SCOC: variants seen among roughly 807,000 people sequenced by gnomAD.
The protein encoded by SCOC is short coiled-coil protein.
A neutral mutation model predicts 9.9 loss-of-function variants in SCOC; 7 were observed. The ratio of observed to expected loss-of-function variants is 0.71; its 90% CI spans 0.40 to 1.33. SCOC has a LOEUF of 1.33. Among genes scored for constraint, SCOC ranks in the 40% most tolerant of loss-of-function variants. The pLI, the probability that SCOC is intolerant of heterozygous loss-of-function variation, is 0.01. For missense variants in SCOC, 66 were observed against 89.7 expected, an observed-to-expected ratio of 0.74 and a Z score of 1.07; for synonymous variants, 19 against 28.2, an observed-to-expected ratio of 0.67 and a Z score of 1.03.
At chr4:140,312,364 G>A (rs926151088) in intron 1 of SCOC, among the ~76,000 whole-genome samples, 3 of 152,142 alleles carry the variant, frequency 2.0e-5, no homozygotes, top group Admixed American at 2.0e-4. Flanking sequence ...TGAACTGGGG[G>A]CACTGAAAGT....
intron 2 of SCOC, among the ~76,000 whole-genome samples, chr4:140,353,407 CT>C (rs1727063434): frequency 6.6e-6 from 1 of 150,540 alleles, no homozygotes; most frequent in African/African-American, 2.4e-5. Flanking sequence ...TTCTTTTTTT[CT>C]TTTTCTTTTT....
At chr4:140,276,502 C>T (rs1730986941) in intron 1 of SCOC, among the ~76,000 whole-genome samples, 1 of 151,872 alleles carries the variant, frequency 6.6e-6, no homozygotes, top group African/African-American at 2.4e-5. Context: ...CTCACTCTGT[C>T]GCTTAGGCTG....
chr4:140,325,541 T>C (rs1440247129), intron 1 of SCOC, among the ~76,000 whole-genome samples: 1 of 152,146 alleles, frequency 6.6e-6, no homozygotes, highest in East Asian at 1.9e-4. Context: ...TCTGAACAGA[T>C]ATTTCTTTAA....
At chr4:140,264,141 A>G (rs1730687790) in intron 1 of SCOC, among the ~76,000 whole-genome samples, 1 of 152,152 alleles carries the variant, frequency 6.6e-6, no homozygotes, top group African/African-American at 2.4e-5. Flanking sequence ...CTGGGGCTAT[A>G]GGCATGCACC....
intron 1 of SCOC, among the ~76,000 whole-genome samples, chr4:140,328,147 T>C (rs1732704579): frequency 6.6e-6 from 1 of 152,208 alleles, no homozygotes; most frequent in African/African-American, 2.4e-5. Context: ...ACACAGGACA[T>C]GCTCTATCAT....
chr4:140,351,813 A>G (rs1427323291), intron 2 of SCOC, among the ~76,000 whole-genome samples: 1 of 152,054 alleles, frequency 6.6e-6, no homozygotes, highest in Non-Finnish European at 1.5e-5. Context: ...CTCATCCTCC[A>G]TTATAATATG....
chr4:140,338,788 T>G (rs1374104589), upstream of SCOC, among the ~76,000 whole-genome samples: 9 of 151,602 alleles, frequency 5.9e-5, no homozygotes, highest in African/African-American at 1.5e-4. Context: ...CACTGCTCAA[T>G]GAAATAAAAG....
intron 1 of SCOC, among the ~76,000 whole-genome samples, chr4:140,305,437 G>A (rs1731939853): frequency 6.6e-6 from 1 of 152,180 alleles, no homozygotes; most frequent in Non-Finnish European, 1.5e-5. Context: ...AGCAGACATT[G>A]TCTTATATCT....
chr4:140,311,304 G>A (rs907733560), intron 1 of SCOC, among the ~76,000 whole-genome samples: 4 of 152,142 alleles, frequency 2.6e-5, no homozygotes, highest in African/African-American at 9.7e-5. Context: ...AGTAGCACTT[G>A]TGAAACTGTA....
At chr4:140,259,087 T>G (rs538913401) in intron 1 of SCOC, among the ~76,000 whole-genome samples, 2 of 152,378 alleles carry the variant, frequency 1.3e-5, no homozygotes, top group South Asian at 4.1e-4. Flanking sequence ...ACAGGGTTAT[T>G]ACTGAAGCTA....
intron 1 of SCOC, among the ~76,000 whole-genome samples, chr4:140,317,742 C>G (rs1037271091): frequency 1.3e-5 from 2 of 149,312 alleles, no homozygotes; most frequent in African/African-American, 2.5e-5. Context: ...TACATATGCA[C>G]ATTGTGCAGG....
At chr4:140,378,431 G>A (rs1240942407) in intron 1 of SCOC, among the ~76,000 whole-genome samples, 2 of 151,482 alleles carry the variant, frequency 1.3e-5, no homozygotes, top group African/African-American at 2.4e-5. Context: ...ATTTTTTCAT[G>A]TAGTATAGTC....
rs528853812 is a variant in SCOC, at chr4:140,312,941, T to C, written c.-18-30680T>C. ...TAGACCTATCAAGACAGAAATTAATTTGAAGGTCACATCAGCCTTCATATG... is the reference window on the plus strand; with the variant it reads ...TAGACCTATCAAGACAGAAATTAATCTGAAGGTCACATCAGCCTTCATATG... On this transcript the variant is annotated intron_variant, in intron 1 of 4. Coordinates refer to the SCOC transcript ENST00000394205. Among the ~76,000 whole-genome samples, 4 of 152,296 alleles carry C rather than the reference T, an allele frequency of 2.6e-5. No homozygotes were observed. In the South Asian group the frequency reaches 6.2e-4, roughly 24 times the overall value.
chr4:140,314,931 C>T lies in SCOC; in HGVS notation c.-18-28690C>T, dbSNP rs778221014. Among the ~76,000 whole-genome samples, 6 of 152,270 alleles carry T rather than the reference C, an allele frequency of 3.9e-5. No homozygotes were observed. The East Asian group carries it at 1.2e-3, about 29-fold the overall frequency. On this transcript the variant is annotated intron_variant, in intron 1 of 4. Coordinates refer to the SCOC transcript ENST00000394205. ...TGTTCCTTTCCATTTTCTCACTTTC[C>T]TGTTCATTCTTACAATAACCCCCAA...
chr4:140,372,550 T>C (rs1267935845), upstream of SCOC, among the ~76,000 whole-genome samples: 3 of 152,206 alleles, frequency 2.0e-5, no homozygotes, highest in African/African-American at 4.8e-5. Flanking sequence ...TTTTTTTTCA[T>C]TTATTTAGCT....
intron 1 of SCOC, among the ~76,000 whole-genome samples, chr4:140,257,596 G>A (rs552150112): frequency 3.8e-4 from 58 of 152,262 alleles, no homozygotes; most frequent in African/African-American, 1.3e-3. Flanking sequence ...TCTCACGGCG[G>A]TGAGGAGCCT....
At chr4:140,337,363 C>T (rs1458430790) in intron 1 of SCOC, among the ~76,000 whole-genome samples, 1 of 152,032 alleles carries the variant, frequency 6.6e-6, no homozygotes, top group African/African-American at 2.4e-5. Flanking sequence ...ACTCTAAATA[C>T]ACTGAGCAAT....
At chr4:140,366,338 G>A in intron 2 of SCOC, 1 of 1,323,604 alleles carries the variant, frequency 7.6e-7, no homozygotes, top group Non-Finnish European at 1.0e-6. Flanking sequence ...TGGCTTTCTG[G>A]GCAGGAAGCT....
At chr4:140,312,391 T>C (rs1055565402) in intron 1 of SCOC, among the ~76,000 whole-genome samples, 1 of 152,186 alleles carries the variant, frequency 6.6e-6, no homozygotes, top group Non-Finnish European at 1.5e-5. Context: ...AGGCCAAGAT[T>C]TACATATGTG....
Sources: gnomAD v4.1 joint callset for allele counts (sites outside exome capture counted in the v4.1 genomes callset) on GRCh38, gnomAD v4.1.1 for gene constraint, MANE v1.5 for transcripts, NCBI Gene and HGNC (gene_info 2026-07-23, HGNC 2026-07-21) for gene names.